The following NBPF20 variants were observed in gnomAD, a reference collection of about 807,000 sequenced individuals.
The protein encoded by NBPF20 is NBPF family member NBPF20.
NBPF20 carries 90 observed loss-of-function variants against 68.1 expected under a neutral mutation model. The observed-to-expected ratio is 1.32, with a 90% CI of 1.11 to 1.58. The LOEUF (loss-of-function observed/expected upper bound fraction) is 1.58. NBPF20 is among the 40% of genes most tolerant of loss of function. The pLI, the probability that NBPF20 is intolerant of heterozygous loss-of-function variation, is 0.00. For missense variants in NBPF20, 816 were observed against 601.2 expected, an observed-to-expected ratio of 1.36 and a Z score of -3.74; for synonymous variants, 290 against 228.1, an observed-to-expected ratio of 1.27 and a Z score of -2.45.
intron 8 of NBPF20, among the ~76,000 whole-genome samples, chr1:145,394,338 T>C (rs1481093674): frequency 6.6e-6 from 1 of 151,700 alleles, no homozygotes; most frequent in African/African-American, 2.4e-5. Flanking sequence ...GATGAAGGGG[T>C]GCAATGTACC....
At chr1:145,309,492 A>G (rs1292180771) in intron 115 of NBPF20, among the ~76,000 whole-genome samples, 3 of 77,526 alleles carry the variant, frequency 3.9e-5, no homozygotes, top group Non-Finnish European at 7.5e-5. Context: ...ACACACACAC[A>G]CACACAGAGA....
At chr1:145,405,140 T>C in exon 2 of NBPF20, 1 of 1,613,756 alleles carries the variant, frequency 6.2e-7, no homozygotes, top group South Asian at 1.1e-5. Context: ...GCCAGTTGAG[T>C]TACAAAACAT....
the NBPF20 span, among the ~76,000 whole-genome samples, chr1:145,412,366 C>G: frequency 6.6e-6 from 1 of 152,058 alleles, no homozygotes; most frequent in Admixed American, 6.6e-5. Flanking sequence ...GGTTGCTGCA[C>G]TCACAACCAC....
At chr1:145,291,351 G>T (rs1307491237) in exon 138 of NBPF20, 4 of 1,384,454 alleles carry the variant, frequency 2.9e-6, no homozygotes, top group East Asian at 4.6e-5. Context: ...TGGGTCCATT[G>T]TCTTCAGACT....
intron 2 of NBPF20, among the ~76,000 whole-genome samples, chr1:145,403,743 T>A (rs1662635900): frequency 6.6e-6 from 1 of 151,922 alleles, no homozygotes; most frequent in Non-Finnish European, 1.5e-5. Context: ...TTACTGGGAA[T>A]TTCAAGGACA....
chr1:145,407,300 A>G (rs1164874756), upstream of NBPF20, among the ~76,000 whole-genome samples: 1 of 145,884 alleles, frequency 6.9e-6, no homozygotes, highest in Non-Finnish European at 1.5e-5. Context: ...TGGGGGAGGG[A>G]TAGCATTAGG....
the NBPF20 span, among the ~76,000 whole-genome samples, chr1:145,413,548 C>G: frequency 6.6e-6 from 1 of 151,956 alleles, no homozygotes; most frequent in Non-Finnish European, 1.5e-5. Context: ...AGGAGCCATA[C>G]GCAAAAGAGT....
At chr1:145,352,308 C>T (rs1437133995) in intron 61 of NBPF20, among the ~76,000 whole-genome samples, 1 of 90,612 alleles carries the variant, frequency 1.1e-5, no homozygotes, top group Non-Finnish European at 2.4e-5. Flanking sequence ...CACACACACA[C>T]ACACACACAC....
chr1:145,406,580 G>A (rs1284515728), upstream of NBPF20, among the ~76,000 whole-genome samples: 12 of 151,448 alleles, frequency 7.9e-5, no homozygotes, highest in African/African-American at 2.2e-4. Flanking sequence ...ATTTCCAGTT[G>A]CTCTACATTC....
chr1:145,395,163 G>C, intron 7 of NBPF20, 22 bp from the exon 13 acceptor site: 1 of 1,419,680 alleles, frequency 7.0e-7, no homozygotes, highest in Non-Finnish European at 9.9e-7. Context: ...GGCAGGACAG[G>C]GATGATAGAA....
At chr1:145,292,210 G>A (rs1415146370) in intron 137 of NBPF20, among the ~76,000 whole-genome samples, 171 bp downstream of exon 142, 1 of 149,560 alleles carries the variant, frequency 6.7e-6, no homozygotes, top group Non-Finnish European at 1.5e-5. Flanking sequence ...AAGATAAGGG[G>A]AGGAAGAAAT....
intron 9 of NBPF20, chr1:145,393,593 A>T: frequency 4.6e-6 from 3 of 653,626 alleles, no homozygotes; most frequent in South Asian, 1.9e-5. Context: ...GATCATGAAA[A>T]GCATGTCCTC....
At chr1:145,404,392 G>C (rs1228178317) in intron 2 of NBPF20, among the ~76,000 whole-genome samples, 2 of 151,970 alleles carry the variant, frequency 1.3e-5, no homozygotes, top group Admixed American at 6.6e-5. Context: ...CCGATTAGTG[G>C]TGATTACAGT....
chr1:145,290,320 C>G (rs1157501191), exon 138 of NBPF20: 1 of 148,900 alleles, frequency 6.7e-6, no homozygotes, highest in East Asian at 1.9e-4. Flanking sequence ...TCTCCTAGAC[C>G]CCTCCTTAAC....
intron 3 of NBPF20, 62 bp from the exon 9 acceptor site, chr1:145,402,443 G>A: frequency 1.3e-6 from 2 of 1,575,896 alleles, no homozygotes; most frequent in Middle Eastern, 2.3e-4. Context: ...CTCAAATATT[G>A]CAACAGAGAT....
At position 145,291,796 on chromosome 1, in the gene NBPF20, G is replaced by C. The variant is rs587677584; in HGVS notation, c.16698-27C>G. 59 of 1,611,712 alleles carry C rather than the reference G, an allele frequency of 3.7e-5. 1 individual carries two copies. In the East Asian group the frequency reaches 1.1e-3, roughly 31 times the overall value. ...TGGAAAAGGAGACAAAACTAAAGAA[G>C]CAGCCAGGGAAAATCAGAAACCACA... On this transcript the variant is annotated intron_variant, in intron 137 of 137. Coordinates refer to ENST00000369373, the Ensembl canonical transcript of NBPF20.
At chr1:145,291,893 G>T (rs1477280726) in intron 137 of NBPF20, 124 bp from the exon 143 acceptor site, 6 of 1,569,230 alleles carry the variant, frequency 3.8e-6, no homozygotes, top group South Asian at 3.6e-5. Flanking sequence ...CATTAATGAG[G>T]TAAAAAAAAA....
At chr1:145,291,723 C>T (rs782446247) in exon 138 of NBPF20, 9 of 1,611,918 alleles carry the variant, frequency 5.6e-6, no homozygotes, top group Admixed American at 3.3e-5. Flanking sequence ...TCCAGTGAGT[C>T]CTGTAAGACT....
chr1:145,407,598 A>G (rs587729758), upstream of NBPF20, among the ~76,000 whole-genome samples: 1 of 147,794 alleles, frequency 6.8e-6, no homozygotes, highest in Admixed American at 6.8e-5. Context: ...ATATATATAT[A>G]TTTTTCTTTT....
Sources: allele counts gnomAD v4.1 joint callset (sites outside exome capture counted in the v4.1 genomes callset), GRCh38; gene constraint gnomAD v4.1.1; transcripts MANE v1.5; gene names NCBI Gene and HGNC (gene_info 2026-07-23, HGNC 2026-07-21).